Variants in SNX29 observed in about 807,000 individuals in gnomAD.
SNX29 encodes the protein sorting nexin-29.
Under a neutral mutation model 102.1 loss-of-function variants are expected in SNX29, and 78 were observed. The ratio of observed to expected loss-of-function variants is 0.76; its 90% CI spans 0.64 to 0.92. SNX29 has a LOEUF of 0.92. Among genes scored for constraint, SNX29 ranks in the 40% least tolerant of loss-of-function variants. The pLI, the probability that SNX29 is intolerant of heterozygous loss-of-function variation, is 0.00. For missense variants in SNX29, 1,280 were observed against 1,061.7 expected, an observed-to-expected ratio of 1.21 and a Z score of -2.86; for synonymous variants, 580 against 414.5, an observed-to-expected ratio of 1.40 and a Z score of -4.85.
At chr16:12,562,761 A>T (rs1392998045) in intron 20 of SNX29, among the ~76,000 whole-genome samples, 1 of 152,140 alleles carries the variant, frequency 6.6e-6, no homozygotes, top group African/African-American at 2.4e-5. Context: ...GAGTTTTCAC[A>T]AAGGCTTGGA....
chr16:12,356,530 C>G (rs2082141961), intron 16 of SNX29, among the ~76,000 whole-genome samples: 1 of 152,110 alleles, frequency 6.6e-6, no homozygotes, highest in East Asian at 1.9e-4. Flanking sequence ...CATATAGTCC[C>G]CTCCCCCCGC....
chr16:12,527,523 G>A (rs891828335), intron 20 of SNX29: 1 of 399,926 alleles, frequency 2.5e-6, no homozygotes, highest in South Asian at 2.5e-5. Context: ...ACTAAAGAGA[G>A]GGCCCCCCAT....
intron 18 of SNX29, among the ~76,000 whole-genome samples, chr16:12,460,083 G>T (rs928056692): frequency 1.3e-5 from 2 of 152,174 alleles, no homozygotes; most frequent in African/African-American, 4.8e-5. Flanking sequence ...GAGGGAGAGG[G>T]CCATTCAGGA....
intron 15 of SNX29, among the ~76,000 whole-genome samples, chr16:12,353,696 A>G (rs1003752305): frequency 6.6e-6 from 1 of 152,116 alleles, no homozygotes; most frequent in African/African-American, 2.4e-5. Flanking sequence ...ATTGCTCAAC[A>G]TGTTTATGGA....
chr16:12,521,893 C>A lies in SNX29; in HGVS notation c.2179-2809C>A, dbSNP rs569354892. Among the ~76,000 whole-genome samples the A allele has an allele frequency of 5.1e-4, 78 of 152,284 alleles. 2 individuals are homozygous for A. The South Asian group carries it at 0.015, about 29-fold the overall frequency. On this transcript the variant is annotated intron_variant, in intron 19 of 20. Coordinates refer to ENST00000566228, the MANE Select transcript of SNX29 (RefSeq NM_032167.5). ...TCATTCGCACATAGCCCGCCTCCTGCCAGGGTGTGAGATGTTAGCCACCAG... is the reference window on the plus strand; with the variant it reads ...TCATTCGCACATAGCCCGCCTCCTGACAGGGTGTGAGATGTTAGCCACCAG...
chr16:12,091,969 C>T (rs2052569000), intron 11 of SNX29, among the ~76,000 whole-genome samples: 1 of 152,116 alleles, frequency 6.6e-6, no homozygotes, highest in Non-Finnish European at 1.5e-5. Flanking sequence ...TCACAGTGCA[C>T]CGGGTCCATG....
At chr16:12,266,403 G>A (rs2078929769) in intron 14 of SNX29, among the ~76,000 whole-genome samples, 1 of 152,128 alleles carries the variant, frequency 6.6e-6, no homozygotes, top group African/African-American at 2.4e-5. Context: ...CCCTATTGCG[G>A]ATTTCAGTTG....
intron 15 of SNX29, among the ~76,000 whole-genome samples, chr16:12,279,561 T>C (rs1190660604): frequency 1.3e-5 from 2 of 152,192 alleles, no homozygotes; most frequent in Admixed American, 6.5e-5. Context: ...CAGACTTGGC[T>C]GGTGGCAGTG....
rs557085420 is a variant in SNX29 at position 12,539,170 on chromosome 16, G to C, written c.2318+14329G>C. On this transcript the variant is annotated intron_variant, in intron 20 of 20. Coordinates refer to ENST00000566228, the MANE Select transcript of SNX29 (RefSeq NM_032167.5). Reference sequence around the variant, plus strand: ...TTGACTTTTGCTCTTGTTCATGTCTGTGAATTTAAACACATGCATAGATTT... The same window carrying C: ...TTGACTTTTGCTCTTGTTCATGTCTCTGAATTTAAACACATGCATAGATTT... Among the ~76,000 whole-genome samples, 5 of 152,272 alleles carry C rather than the reference G, an allele frequency of 3.3e-5. No individual in the cohort carries two copies. The East Asian group carries it at 9.6e-4, about 29-fold the overall frequency.
intron 14 of SNX29, among the ~76,000 whole-genome samples, chr16:12,219,109 T>C (rs960697519): frequency 1.3e-5 from 2 of 152,172 alleles, no homozygotes; most frequent in African/African-American, 4.8e-5. Context: ...AAGAGGATTG[T>C]AGTAAGCTGT....
intron 4 of SNX29, among the ~76,000 whole-genome samples, chr16:12,031,273 T>C (rs2057334775): frequency 6.6e-6 from 1 of 152,034 alleles, no homozygotes; most frequent in African/African-American, 2.4e-5. Flanking sequence ...GGTTTCCTCA[T>C]GTTGGCTAGG....
At chr16:12,192,595 T>A (rs564496642) in intron 13 of SNX29, among the ~76,000 whole-genome samples, 16 of 152,356 alleles carry the variant, frequency 1.1e-4, no homozygotes, top group Admixed American at 9.1e-4. Context: ...CACTGCAGCC[T>A]GCAACTCCTG....
intron 15 of SNX29, among the ~76,000 whole-genome samples, chr16:12,305,014 A>C (rs765620200): frequency 6.6e-6 from 1 of 152,252 alleles, no homozygotes; most frequent in African/African-American, 2.4e-5. Flanking sequence ...TTGATCTTCG[A>C]TAATTTAGAA....
At chr16:12,477,987 A>T in intron 19 of SNX29, 128 bp downstream of exon 19, 1 of 1,138,736 alleles carries the variant, frequency 8.8e-7, no homozygotes, top group South Asian at 1.9e-5. Flanking sequence ...ATAAGAAAAA[A>T]ATAGAGAAAA....
intron 14 of SNX29, among the ~76,000 whole-genome samples, chr16:12,257,873 G>A (rs1029752137): frequency 5.9e-5 from 9 of 151,932 alleles, no homozygotes; most frequent in Non-Finnish European, 1.2e-4. Context: ...CAGAAATCTG[G>A]GAGTCATCCT....
intron 14 of SNX29, among the ~76,000 whole-genome samples, chr16:12,258,123 A>C (rs576254781): frequency 4.3e-4 from 65 of 152,264 alleles, no homozygotes; most frequent in Non-Finnish European, 8.2e-4. Context: ...AGCAATCAGC[A>C]AACAGGTCAC....
chr16:12,463,740 CATG>C (rs2086916040), intron 18 of SNX29, among the ~76,000 whole-genome samples: 1 of 151,858 alleles, frequency 6.6e-6, no homozygotes, highest in Non-Finnish European at 1.5e-5. Flanking sequence ...AGGCATACAA[CATG>C]ATGGTTTGAT....
At chr16:12,088,316 G>A (rs1423928915) in intron 11 of SNX29, 2 of 358,712 alleles carry the variant, frequency 5.6e-6, no homozygotes, top group East Asian at 7.4e-5. Context: ...ATGTTGCTAG[G>A]GGGAGGTGCC....
intron 1 of SNX29, among the ~76,000 whole-genome samples, chr16:11,995,281 G>A (rs1393318929): frequency 6.6e-6 from 1 of 152,126 alleles, no homozygotes; most frequent in Non-Finnish European, 1.5e-5. Context: ...GGCCAGGCTG[G>A]TCTTGAACTC....
Sources: gnomAD v4.1 joint callset for allele counts (sites outside exome capture counted in the v4.1 genomes callset) on GRCh38, gnomAD v4.1.1 for gene constraint, MANE v1.5 for transcripts, NCBI Gene and HGNC (gene_info 2026-07-23, HGNC 2026-07-21) for gene names.